Variants in MTHFD1 observed in about 807,000 individuals in gnomAD.
MTHFD1 encodes the protein methylenetetrahydrofolate dehydrogenase, cyclohydrolase and formyltetrahydrofolate synthetase 1.
Under a neutral mutation model 110.3 loss-of-function variants are expected in MTHFD1, and 44 were observed. That is an observed-to-expected ratio of 0.40 (90% CI 0.31 to 0.51). The LOEUF is 0.51. Among genes scored for constraint, MTHFD1 ranks in the 20% least tolerant of loss-of-function variants. The pLI, the probability that MTHFD1 is intolerant of heterozygous loss-of-function variation, is 0.60. For synonymous variants in MTHFD1, 402 were observed against 428.8 expected (o/e 0.94, Z 0.77); for missense variants, 909 against 1,173.1 (o/e 0.77, Z 3.29).
chr14:64,424,999 C>A lies in MTHFD1; in HGVS notation c.855+68C>A, dbSNP rs974280669. The A allele has an allele frequency of 3.1e-6, 5 of 1,588,418 alleles. No homozygotes were observed. The African/African-American group carries it at 5.4e-5, about 17-fold the overall frequency. ...ATCGAGTTTTGGCTGCTTTTCTCCC[C>A]AAGTAGAAATGTCAAAAACCTACTC... On this transcript the variant is annotated intron_variant, in intron 9 of 27. Coordinates refer to ENST00000652337, the MANE Select transcript of MTHFD1 (RefSeq NM_005956.4).
chr14:64,442,947 A>AC (rs1290835742), intron 21 of MTHFD1, among the ~76,000 whole-genome samples: 1 of 152,034 alleles, frequency 6.6e-6, no homozygotes, highest in Non-Finnish European at 1.5e-5. Flanking sequence ...TGAATTTTGT[A>AC]TTTCTCTGAA....
At chr14:64,459,688 A>C (rs1229117992) in intron 27 of MTHFD1, 71 bp from the exon 28 acceptor site, 1 of 1,300,238 alleles carries the variant, frequency 7.7e-7, no homozygotes, top group African/African-American at 1.5e-5. Flanking sequence ...GTAATGGTGC[A>C]GTATGGAAGG....
At chr14:64,389,318 TGTAA>T (rs1228437635) in intron 1 of MTHFD1, among the ~76,000 whole-genome samples, 2 of 152,234 alleles carry the variant, frequency 1.3e-5, no homozygotes, top group Non-Finnish European at 2.9e-5. Flanking sequence ...TCACCCGTTA[TGTAA>T]GTAACTGTTG....
rs1293777580 is a variant in MTHFD1 at position 64,442,321 on chromosome 14, C to T, written c.2055C>T (p.Cys685=). 1 of 1,614,204 alleles carries T rather than the reference C, an allele frequency of 6.2e-7. No homozygotes were observed. The highest frequency in any genetic ancestry group is 2.2e-5 in the East Asian group (1 of 44,890). The part of the protein sequence containing the change: ...IGMEKFFNIK[C]RYSGLCPHVV... The stretch of plus-strand genomic sequence containing the variant: ...TGGAAAAGTTTTTTAACATCAAATG[C>T]CGGTATTCCGGCCTCTGCCCCCACG... Residue 685 remains cysteine, a synonymous_variant, in exon 21 of 28, where the codon TGC becomes TGT. Transcript: ENST00000652337.
chr14:64,457,525 G>A (rs550438856), intron 26 of MTHFD1, among the ~76,000 whole-genome samples: 70 of 150,710 alleles, frequency 4.6e-4, no homozygotes, highest in African/African-American at 1.6e-3. Flanking sequence ...GCAAGATCTC[G>A]GCTCACTGCA....
At chr14:64,399,865 T>A (rs1048421730) in intron 1 of MTHFD1, among the ~76,000 whole-genome samples, 14 of 151,790 alleles carry the variant, frequency 9.2e-5, no homozygotes, top group African/African-American at 3.4e-4. Flanking sequence ...AGCCTCAACC[T>A]CCTGGGCTCC....
At chr14:64,396,459 T>G (rs1282504192) in intron 1 of MTHFD1, among the ~76,000 whole-genome samples, 3 of 148,934 alleles carry the variant, frequency 2.0e-5, no homozygotes, top group African/African-American at 7.4e-5. Flanking sequence ...TGGCGCGATC[T>G]CGGCTCACCG....
intron 13 of MTHFD1, among the ~76,000 whole-genome samples, chr14:64,430,923 T>C (rs1328206708): frequency 2.6e-5 from 4 of 152,164 alleles, no homozygotes; most frequent in African/African-American, 9.7e-5. Flanking sequence ...AGGTGTGTCC[T>C]CAGTAACCCA....
At chr14:64,423,005 A>G (rs921917952) in intron 8 of MTHFD1, 1 of 152,198 alleles carries the variant, frequency 6.6e-6, no homozygotes, top group Non-Finnish European at 1.5e-5. Context: ...AATGACTAAC[A>G]TTAACACGTA....
At chr14:64,453,608 A>G in intron 24 of MTHFD1, 146 bp from the exon 25 acceptor site, 1 of 673,956 alleles carries the variant, frequency 1.5e-6, no homozygotes, top group Non-Finnish European at 2.8e-6. Context: ...CCAATCATCA[A>G]CCTCAAACTA....
intron 19 of MTHFD1, 128 bp from the exon 20 acceptor site, chr14:64,441,925 AT>A (rs2078252585): frequency 1.4e-6 from 1 of 723,668 alleles, no homozygotes; most frequent in Non-Finnish European, 2.5e-6. Context: ...AATAAAAGAG[AT>A]GACTTTATAT....
intron 26 of MTHFD1, among the ~76,000 whole-genome samples, chr14:64,456,665 C>T (rs568123599): frequency 1.1e-4 from 16 of 152,082 alleles, no homozygotes; most frequent in Admixed American, 1.0e-3. Context: ...GTCTAAGGAC[C>T]CATCCTTTCC....
At chr14:64,398,688 A>C (rs563096739) in intron 1 of MTHFD1, among the ~76,000 whole-genome samples, 1 of 152,300 alleles carries the variant, frequency 6.6e-6, no homozygotes, top group Admixed American at 6.5e-5. Context: ...TGTTTATGTC[A>C]GTTTTTTGTG....
intron 4 of MTHFD1, among the ~76,000 whole-genome samples, chr14:64,414,319 G>C (rs1004215819): frequency 1.6e-5 from 2 of 124,124 alleles, no homozygotes; most frequent in Admixed American, 1.7e-4. Flanking sequence ...TTGAGACAGA[G>C]TCTTGCTCTG....
intron 3 of MTHFD1, 87 bp downstream of exon 3, chr14:64,411,236 T>C: frequency 1.0e-6 from 1 of 989,472 alleles, no homozygotes; most frequent in South Asian, 1.3e-5. Flanking sequence ...GTCCTCCCTG[T>C]GAAAACTTTT....
chr14:64,400,972 C>A, intron 2 of MTHFD1, 95 bp downstream of exon 2: 1 of 928,198 alleles, frequency 1.1e-6, no homozygotes. Context: ...TTTTTTTTGG[C>A]TGTTGTGTAA....
At chr14:64,441,802 C>CAAAA in intron 19 of MTHFD1, 6 of 483,184 alleles carry the variant, frequency 1.2e-5, no homozygotes, top group African/African-American at 4.8e-5. Context: ...GACTCCGTGT[C>CAAAA]AAAAAAAAAA....
chr14:64,450,274 C>G (rs570960140), intron 24 of MTHFD1, among the ~76,000 whole-genome samples: 1 of 152,326 alleles, frequency 6.6e-6, no homozygotes, highest in East Asian at 1.9e-4. Flanking sequence ...TAAAACAAGG[C>G]ACCAACCATG....
chr14:64,399,300 C>T lies in MTHFD1; in HGVS notation c.42-1493C>T, dbSNP rs191955698. ...TTTATTTACTATATGATTTTGAATG[C>T]CATCAACTAATACATTTTCAATTAT... is the stretch of plus-strand genomic sequence containing the variant. On this transcript the variant is annotated intron_variant, in intron 1 of 27. Transcript: ENST00000652337. Among the ~76,000 whole-genome samples, 320 of 152,264 alleles carry T rather than the reference C, an allele frequency of 2.1e-3. 1 individual carries two copies. The highest frequency in any genetic ancestry group is 6.8e-3 in the Middle Eastern group (2 of 294).
Sources: allele counts gnomAD v4.1 joint callset (sites outside exome capture counted in the v4.1 genomes callset), GRCh38; gene constraint gnomAD v4.1.1; transcripts MANE v1.5; gene names NCBI Gene and HGNC (gene_info 2026-07-23, HGNC 2026-07-21).